TRPM7: variants seen among roughly 807,000 people sequenced by gnomAD.
TRPM7 encodes LTRPC ion channel family member 7.
In TRPM7, 134 loss-of-function variants were observed where a neutral mutation model predicts 229.7. The ratio of observed to expected loss-of-function variants is 0.58; its 90% CI spans 0.51 to 0.67. The LOEUF (loss-of-function observed/expected upper bound fraction) is 0.67. TRPM7 is among the 30% of genes least tolerant of loss of function. The pLI is 0.00. For missense variants in TRPM7, 1,901 were observed against 2,210.0 expected (o/e 0.86, Z 2.80); for synonymous variants, 699 against 715.2 (o/e 0.98, Z 0.36).
intron 28 of TRPM7, 59 bp from the exon 29 acceptor site, chr15:50,583,218 C>T (rs977272262): frequency 2.4e-6 from 3 of 1,233,864 alleles, no homozygotes; most frequent in Non-Finnish European, 3.5e-6. Flanking sequence ...TGAATACCAA[C>T]TAACCAAACA....
chr15:50,608,268 T>C (rs2140456146), intron 19 of TRPM7, among the ~76,000 whole-genome samples: 1 of 152,168 alleles, frequency 6.6e-6, no homozygotes, highest in East Asian at 1.9e-4. Flanking sequence ...AGTTTATGTA[T>C]AAATACATGT....
intron 1 of TRPM7, among the ~76,000 whole-genome samples, chr15:50,674,734 CT>C (rs1308316724): frequency 2.0e-5 from 3 of 152,112 alleles, no homozygotes; most frequent in Non-Finnish European, 4.4e-5. Flanking sequence ...AGTCTCTGAG[CT>C]TTTGTCTGGG....
chr15:50,596,206 A>C, intron 23 of TRPM7, 49 bp downstream of exon 23: 1 of 1,269,406 alleles, frequency 7.9e-7, no homozygotes, highest in Non-Finnish European at 1.1e-6. Context: ...AAATATGTAG[A>C]ATTGCATATT....
At chr15:50,648,393 C>T (rs551935950) in intron 4 of TRPM7, among the ~76,000 whole-genome samples, 1 of 152,230 alleles carries the variant, frequency 6.6e-6, no homozygotes, top group East Asian at 1.9e-4. Flanking sequence ...AATTAAAAGA[C>T]ATCTCTTAAA....
intron 36 of TRPM7, among the ~76,000 whole-genome samples, chr15:50,573,668 A>T (rs1355293279): frequency 1.3e-5 from 2 of 152,222 alleles, no homozygotes; most frequent in Non-Finnish European, 2.9e-5. Flanking sequence ...TTTTAAAGAA[A>T]CGGTCTTTAT....
At chr15:50,670,716 C>G (rs1006664081) in intron 1 of TRPM7, among the ~76,000 whole-genome samples, 1 of 151,760 alleles carries the variant, frequency 6.6e-6, no homozygotes, top group African/African-American at 2.4e-5. Context: ...CAACCAGCAG[C>G]CCTCAGGACT....
chr15:50,607,221 A>G lies in TRPM7; in HGVS notation c.2688T>C (p.Tyr896=), dbSNP rs773773450. 27 of 1,610,190 alleles carry G rather than the reference A, an allele frequency of 1.7e-5. No homozygotes were observed. Among genetic ancestry groups the G allele is most frequent in the Non-Finnish European group, 2.2e-5 (26 of 1,178,702 alleles). Residue 896 remains tyrosine (Y), a synonymous_variant, in exon 20 of 39, where the codon TAT becomes TAC. Transcript: ENST00000646667. ...EWIVIAYIFT[Y]AIEKVREIFM... ...ATACCTCACGGACTTTCTCAATGGC[A>G]TAAGTAAAAATATAAGCAATAACAA...
chr15:50,647,205 A>G (rs1466082712), intron 4 of TRPM7, among the ~76,000 whole-genome samples: 1 of 152,166 alleles, frequency 6.6e-6, no homozygotes, highest in African/African-American at 2.4e-5. Flanking sequence ...ATCTCGGTTC[A>G]CTGCAACCTT....
At chr15:50,664,499 GAGA>G (rs994542567) in intron 1 of TRPM7, among the ~76,000 whole-genome samples, 1 of 152,060 alleles carries the variant, frequency 6.6e-6, no homozygotes, top group African/African-American at 2.4e-5. Flanking sequence ...AATAGGGATA[GAGA>G]AGGTTATTAC....
intron 13 of TRPM7, among the ~76,000 whole-genome samples, chr15:50,615,141 C>A (rs193035061): frequency 2.3e-5 from 3 of 131,576 alleles, no homozygotes; most frequent in East Asian, 4.4e-4. Context: ...CCAGCCTGAG[C>A]GACAAGAGCG....
chr15:50,572,013 T>C (rs2053914623), intron 36 of TRPM7, among the ~76,000 whole-genome samples: 2 of 152,236 alleles, frequency 1.3e-5, no homozygotes, highest in South Asian at 4.1e-4. Flanking sequence ...CAAACTTCAC[T>C]GTGGCCAGAG....
At chr15:50,613,966 G>C in intron 14 of TRPM7, 125 bp from the exon 15 acceptor site, 5 of 1,357,130 alleles carry the variant, frequency 3.7e-6, no homozygotes, top group Non-Finnish European at 5.0e-6. Context: ...GACTGATTTA[G>C]GATTTTGACG....
At chr15:50,614,999 G>A (rs1329444114) in intron 13 of TRPM7, among the ~76,000 whole-genome samples, 6 of 151,606 alleles carry the variant, frequency 4.0e-5, no homozygotes, top group African/African-American at 7.3e-5. Context: ...GAGAAACCCC[G>A]TCTCTACTAA....
intron 4 of TRPM7, among the ~76,000 whole-genome samples, chr15:50,648,203 C>G (rs552578306): frequency 1.5e-3 from 233 of 151,584 alleles, no homozygotes; most frequent in Non-Finnish European, 2.8e-3. Flanking sequence ...AACCAAGCCC[C>G]CTGAAGGATG....
chr15:50,603,288 C>A (rs1333630614), intron 21 of TRPM7, among the ~76,000 whole-genome samples: 3 of 151,020 alleles, frequency 2.0e-5, no homozygotes, highest in Non-Finnish European at 4.4e-5. Context: ...CAGGGTTACT[C>A]AAGAAATATT....
chr15:50,603,415 C>A (rs1006340716), intron 21 of TRPM7, among the ~76,000 whole-genome samples: 1 of 151,930 alleles, frequency 6.6e-6, no homozygotes, highest in Non-Finnish European at 1.5e-5. Context: ...GTGCTGCACT[C>A]ATTTACATTA....
Position 50,612,823 on chromosome 15 carries a change from T to G in TRPM7, c.1777A>C (p.Thr593Pro), listed in dbSNP as rs781482111. ...TTCTTCTTTCCTTCTTCCATAACTG[T>G]ATCAATCTTCCAGGGAAAATAAAGT... ...TAQPYRPKID[T>P]VMEEGKKKRT... The change falls in exon 16 of 39, where the codon ACA (threonine) becomes CCA (proline). Residue 593 changes from threonine to proline, a missense_variant. Coordinates refer to ENST00000646667, the MANE Select transcript of TRPM7 (RefSeq NM_017672.6). 4 of 1,609,104 alleles carry G rather than the reference T, an allele frequency of 2.5e-6. No individual in the cohort carries two copies. The Admixed American group carries it at 6.7e-5, about 27-fold the overall frequency.
chr15:50,634,319 C>G (rs62017191), intron 8 of TRPM7, 63 bp downstream of exon 8: 1 of 1,248,008 alleles, frequency 8.0e-7, no homozygotes. Flanking sequence ...AGCAAGACTC[C>G]GTATCAAAAA....
At position 50,686,664 on chromosome 15, in the gene TRPM7, C is replaced by T. The variant is rs2062366711; in HGVS notation, c.-131G>A. The T allele has an allele frequency of 3.8e-6, 5 of 1,320,236 alleles. No homozygotes were observed. The South Asian group carries it at 7.1e-5, about 19-fold the overall frequency. The allele number at this position is 1,320,236 out of a possible 1,614,324, so 81.8% of individuals were successfully genotyped here. A position where few individuals can be genotyped will look rare whatever the true frequency, so the allele number is the denominator to read the frequency against. On this transcript the variant is annotated 5_prime_UTR_variant, in exon 1 of 39. Coordinates refer to ENST00000646667, the MANE Select transcript of TRPM7 (RefSeq NM_017672.6). Reference sequence around the variant, plus strand: ...GCCGGACAAGGAACGCCCAGGGAAACCTTCTCAGAACTAACTCAGCTCCGG... The same window carrying T: ...GCCGGACAAGGAACGCCCAGGGAAATCTTCTCAGAACTAACTCAGCTCCGG...
Sources: allele counts gnomAD v4.1 joint callset (sites outside exome capture counted in the v4.1 genomes callset), GRCh38; gene constraint gnomAD v4.1.1; transcripts MANE v1.5; gene names NCBI Gene and HGNC (gene_info 2026-07-23, HGNC 2026-07-21).